Variants in AP3B2 observed in about 807,000 individuals in gnomAD.
The protein encoded by AP3B2 is AP-3 complex subunit beta-2.
Under a neutral mutation model 126.9 loss-of-function variants are expected in AP3B2, and 50 were observed. That is an observed-to-expected ratio of 0.39 (90% CI 0.31 to 0.50). The LOEUF is 0.50. Among genes scored for constraint, AP3B2 ranks in the 20% least tolerant of loss-of-function variants. The pLI is 0.79. For missense variants in AP3B2, 1,177 were observed against 1,426.4 expected (o/e 0.83, Z 2.82); for synonymous variants, 541 against 565.0 (o/e 0.96, Z 0.60).
intron 2 of AP3B2, 35 bp from the exon 3 acceptor site, chr15:82,689,267 A>G: frequency 6.2e-7 from 1 of 1,613,404 alleles, no homozygotes; most frequent in South Asian, 1.1e-5. Context: ...GAAGAGGGAC[A>G]AAGCGAGAGG....
At chr15:82,688,378 A>G in intron 4 of AP3B2, 1 of 700,368 alleles carries the variant, frequency 1.4e-6, no homozygotes, top group South Asian at 1.5e-5. Flanking sequence ...CTGGCTGTGG[A>G]CCACAATTCA....
chr15:82,694,303 C>A, intron 1 of AP3B2, among the ~76,000 whole-genome samples: 1 of 151,386 alleles, frequency 6.6e-6, no homozygotes. Context: ...CTGTGCCAGG[C>A]CTAGGTTTAA....
chr15:82,667,683 G>C (rs1303667097), intron 14 of AP3B2, among the ~76,000 whole-genome samples: 1 of 152,208 alleles, frequency 6.6e-6, no homozygotes, highest in African/African-American at 2.4e-5. Flanking sequence ...CACCAACTCT[G>C]TGCTAGGTGC....
At chr15:82,691,777 A>G in intron 1 of AP3B2, 1 of 1,561,312 alleles carries the variant, frequency 6.4e-7, no homozygotes, top group Admixed American at 1.7e-5. Flanking sequence ...TTTAGTATGG[A>G]GAGTCACGGC....
chr15:82,702,083 T>C (rs1032809508), intron 1 of AP3B2, among the ~76,000 whole-genome samples: 2 of 152,208 alleles, frequency 1.3e-5, no homozygotes, highest in African/African-American at 4.8e-5. Flanking sequence ...GGGTTCAGAC[T>C]TGTGCAGTGT....
chr15:82,694,003 T>A (rs1011373190), intron 1 of AP3B2, among the ~76,000 whole-genome samples: 1 of 133,916 alleles, frequency 7.5e-6, no homozygotes, highest in African/African-American at 2.9e-5. Context: ...GCCCAGGCCT[T>A]TTTTTCGTTT....
Position 82,665,038 on chromosome 15 carries a change from G to T in AP3B2, c.2029-95C>A. The T allele has an allele frequency of 1.8e-6, 2 of 1,091,880 alleles. No individual in the cohort carries two copies. Among genetic ancestry groups the T allele is most frequent in the Non-Finnish European group, 2.7e-6 (2 of 736,694 alleles). The allele number at this position is 1,091,880 out of a possible 1,614,324, so 67.6% of individuals were successfully genotyped here. A position where few individuals can be genotyped will look rare whatever the true frequency, so the allele number is the denominator to read the frequency against. ...TACCCTTTATTCCACCTCTTTGTGAGGCCCTACCTGGTCTGTCCCACAAAG... is the reference window on the plus strand; with the variant it reads ...TACCCTTTATTCCACCTCTTTGTGATGCCCTACCTGGTCTGTCCCACAAAG... On this transcript the variant is annotated intron_variant, in intron 17 of 26. Coordinates refer to ENST00000535359, the MANE Select transcript of AP3B2 (RefSeq NM_001278512.2). This position sits in a 1 kb window ranked among gnomAD's most constrained non-coding sequence, Gnocchi z 4.4.
intron 25 of AP3B2, among the ~76,000 whole-genome samples, chr15:82,660,435 A>C (rs2047921088): frequency 6.6e-6 from 1 of 152,180 alleles, no homozygotes; most frequent in Non-Finnish European, 1.5e-5. Context: ...TCTCAGCCAG[A>C]ATCCAGTAGT....
At chr15:82,672,329 T>G (rs961825842) in intron 14 of AP3B2, among the ~76,000 whole-genome samples, 4 of 152,090 alleles carry the variant, frequency 2.6e-5, no homozygotes, top group Admixed American at 2.6e-4. Context: ...GAACTAGAGG[T>G]CATTATTTTA....
intron 4 of AP3B2, chr15:82,688,161 G>C (rs1041265804): frequency 2.2e-6 from 1 of 455,504 alleles, no homozygotes; most frequent in Non-Finnish European, 3.9e-6. Context: ...GTTGTAATCA[G>C]AGCTGAAAAA....
chr15:82,660,836 A>G (rs895211009), intron 25 of AP3B2, among the ~76,000 whole-genome samples: 1 of 152,180 alleles, frequency 6.6e-6, no homozygotes, highest in Non-Finnish European at 1.5e-5. Flanking sequence ...GAGATCCTTC[A>G]TCGTGCCAAT....
In AP3B2 at chr15:82,677,387, C is replaced by G; in HGVS notation, c.1379-4G>C. 2 of 1,612,948 alleles carry G rather than the reference C, an allele frequency of 1.2e-6. No individual in the cohort carries two copies. Among genetic ancestry groups the G allele is most frequent in the South Asian group, 1.1e-5 (1 of 90,892 alleles). On this transcript the variant is annotated splice_region_variant and splice_polypyrimidine_tract_variant and intron_variant, in intron 12 of 26. Transcript: ENST00000535359. ...ACTGACTCTGCAACCACAAGCTCTA[C>G]AGAACAAAAATGAGTGTGTGGACCC...
Position 82,659,856 on chromosome 15 carries a change from A to G in AP3B2, c.3144T>C (p.Ser1048=), listed in dbSNP as rs757045544. The G allele has an allele frequency of 1.9e-6, 3 of 1,613,986 alleles. No homozygotes were observed. Among genetic ancestry groups the G allele is most frequent in the Non-Finnish European group, 2.5e-6 (3 of 1,179,872 alleles). ...TGGTGGCCTAGTACCTGTACTCATC[A>G]GATGTCCCACAAGGAACACGACCCA... ...ANLGRVPCGT[S]DEYRFAGRTL... Residue 1048 remains serine, a synonymous_variant, in exon 26 of 27, where the codon TCT becomes TCC. Transcript: ENST00000535359.
In AP3B2 at chr15:82,681,349, G is replaced by A. The variant is rs1474525497; in HGVS notation, c.521+71C>T. The A allele has an allele frequency of 6.3e-7, 1 of 1,587,260 alleles. No homozygotes were observed. Among genetic ancestry groups the A allele is most frequent in the Non-Finnish European group, 8.6e-7 (1 of 1,164,642 alleles). On this transcript the variant is annotated intron_variant, in intron 5 of 26. Transcript: ENST00000535359. The surrounding 1 kb of genome is among the most constrained non-coding windows in gnomAD (Gnocchi z 4.0). ...CTGAGAAGCAGCAGGCAAGACTTAGGAAAGGCCAGGGGTGGGTTGAGAACT... is the reference window on the plus strand; with the variant it reads ...CTGAGAAGCAGCAGGCAAGACTTAGAAAAGGCCAGGGGTGGGTTGAGAACT...
At chr15:82,673,496 G>C (rs2048191876) in intron 14 of AP3B2, among the ~76,000 whole-genome samples, 2 of 152,196 alleles carry the variant, frequency 1.3e-5, no homozygotes. Flanking sequence ...TTACAGGTGT[G>C]AGCCACTGAA....
intron 3 of AP3B2, 134 bp from the exon 4 acceptor site, chr15:82,688,965 CT>C: frequency 1.0e-6 from 1 of 1,003,934 alleles, no homozygotes; most frequent in Non-Finnish European, 1.5e-6. Flanking sequence ...GAGAGCACCC[CT>C]GAGTGTATCC....
In AP3B2 at chr15:82,665,701, ATGTGTG is replaced by A; in HGVS notation, c.1853-132_1853-127del. ...CCAGGTGGGTAGGGGAAGGAGATGG[ATGTGTG>A]CCCTAATGGCTCTTCCACCCTGACT... On this transcript the variant is annotated intron_variant, in intron 15 of 26. Transcript: ENST00000535359. This position sits in a 1 kb window ranked among gnomAD's most constrained non-coding sequence, Gnocchi z 4.4. 1.4e-6 allele frequency: 1 copy of A among 697,278 alleles called. No individual in the cohort carries two copies. The highest frequency in any genetic ancestry group is 2.5e-6 in the Non-Finnish European group (1 of 398,698). 43.2% of individuals were successfully genotyped at this position (697,278 alleles called of 1,614,324 possible).
Position 82,667,956 on chromosome 15 carries a change from C to G in AP3B2, c.1666-1023G>C, listed in dbSNP as rs138070579. ...AAGATCAAAACCACCAAGTGGTCAA[C>G]AAGCAGAATGCCCAAGGGCATCAGG... On this transcript the variant is annotated intron_variant, in intron 14 of 26. Transcript: ENST00000535359. Among the ~76,000 whole-genome samples the G allele has an allele frequency of 2.7e-3, 409 of 152,232 alleles. 1 individual carries two copies. The highest frequency in any genetic ancestry group is 9.5e-3 in the African/African-American group (394 of 41,548).
chr15:82,679,726 C>A lies in AP3B2; in HGVS notation c.1182+3G>T. The A allele has an allele frequency of 3.7e-6, 6 of 1,613,344 alleles. No individual in the cohort carries two copies. Among genetic ancestry groups the A allele is most frequent in the Non-Finnish European group, 5.1e-6 (6 of 1,179,340 alleles). On this transcript the variant is annotated splice_donor_region_variant and intron_variant, in intron 10 of 26. Coordinates refer to ENST00000535359, the MANE Select transcript of AP3B2 (RefSeq NM_001278512.2). ...AGCACATGCACTTCTGTCCCTCACT[C>A]ACCTTCAGGATCTTAATCTGGGTGG...
Sources: allele counts gnomAD v4.1 joint callset (sites outside exome capture counted in the v4.1 genomes callset), GRCh38; gene constraint gnomAD v4.1.1; non-coding constraint Gnocchi (gnomAD v3.1); transcripts MANE v1.5; gene names NCBI Gene and HGNC (gene_info 2026-07-23, HGNC 2026-07-21).